ZNF316: variants seen among roughly 807,000 people sequenced by gnomAD.
ZNF316 encodes zinc finger protein 316.
ZNF316 carries 23 observed loss-of-function variants against 75.6 expected under a neutral mutation model. The ratio of observed to expected loss-of-function variants is 0.30; its 90% CI spans 0.22 to 0.43. The LOEUF is 0.43. Among genes scored for constraint, ZNF316 ranks in the 20% least tolerant of loss-of-function variants. The pLI, the probability that ZNF316 is intolerant of heterozygous loss-of-function variation, is 1.00. For missense variants in ZNF316, 1,266 were observed against 1,409.4 expected, an observed-to-expected ratio of 0.90 and a Z score of 1.63; for synonymous variants, 827 against 666.2, an observed-to-expected ratio of 1.24 and a Z score of -3.72.
intron 8 of ZNF316, among the ~76,000 whole-genome samples, chr7:6,645,985 C>A (rs922667443): frequency 9.1e-5 from 11 of 120,326 alleles, no homozygotes; most frequent in African/African-American, 3.3e-4. Context: ...CAGAGTGAGA[C>A]GCCATCTCAA....
At chr7:6,647,665 C>T (rs1177953465) in intron 8 of ZNF316, among the ~76,000 whole-genome samples, 2 of 152,224 alleles carry the variant, frequency 1.3e-5, no homozygotes, top group African/African-American at 4.8e-5. Flanking sequence ...TCCGTGGACT[C>T]GCCGTGGGGC....
At position 6,654,046 on chromosome 7, in the gene ZNF316, C is replaced by T. The variant is rs1426862124; in HGVS notation, c.2450C>T (p.Ala817Val). Reference protein sequence around the residue: ...ECGRRFGQSAALTRHQWAHAE... With the variant: ...ECGRRFGQSAVLTRHQWAHAE... ...GGCCGGCGCTTCGGGCAGAGCGCGGCGCTGACGCGGCATCAGTGGGCGCAC... is the reference window on the plus strand; with the variant it reads ...GGCCGGCGCTTCGGGCAGAGCGCGGTGCTGACGCGGCATCAGTGGGCGCAC... Residue 817 changes from alanine (A) to valine (V), a missense_variant, in exon 9 of 9, where the codon GCG becomes GTG. By Grantham distance (64) the Ala-to-Val change is moderately conservative. Coordinates refer to ENST00000382252, the MANE Select transcript of ZNF316 (RefSeq NM_001278559.2). 1.7e-6 allele frequency: 2 copies of T among 1,203,034 alleles called. No homozygotes were observed. Among genetic ancestry groups the T allele is most frequent in the Non-Finnish European group, 2.1e-6 (2 of 969,626 alleles). The allele number at this position is 1,203,034 out of a possible 1,614,324, so 74.5% of individuals were successfully genotyped here. A position where few individuals can be genotyped will look rare whatever the true frequency, so the allele number is the denominator to read the frequency against.
chr7:6,655,790 G>GA lies in ZNF316; in HGVS notation c.*1179_*1180insA, dbSNP rs200050471. Reference sequence around the variant, plus strand: ...GCACAGTGGCTGTCCACCTCGGGGGGGTGTGGACCTGAGCCGTGGCTCAGT... The same window carrying GA: ...GCACAGTGGCTGTCCACCTCGGGGGGAGTGTGGACCTGAGCCGTGGCTCAGT... On this transcript the variant is annotated 3_prime_UTR_variant, in exon 9 of 9. Coordinates refer to ENST00000382252, the MANE Select transcript of ZNF316 (RefSeq NM_001278559.2). 1 of 152,136 alleles carries GA rather than the reference G, an allele frequency of 6.6e-6. No individual in the cohort carries two copies. The highest frequency in any genetic ancestry group is 2.4e-5 in the African/African-American group (1 of 41,396). 9.4% of individuals were successfully genotyped at this position (152,136 alleles called of 1,614,324 possible).
rs558246420 is a variant in ZNF316, at chr7:6,653,297, C to G, written c.1701C>G (p.Ser567Arg). 2 of 1,227,466 alleles carry G rather than the reference C, an allele frequency of 1.6e-6. No homozygotes were observed. Among genetic ancestry groups the G allele is most frequent in the Non-Finnish European group, 2.0e-6 (2 of 985,808 alleles). The allele number at this position is 1,227,466 out of a possible 1,614,324, so 76.0% of individuals were successfully genotyped here. A position where few individuals can be genotyped will look rare whatever the true frequency, so the allele number is the denominator to read the frequency against. Reference protein sequence around the residue: ...EEAAVAAPTPSGKVDPAPERR... With the variant: ...EEAAVAAPTPRGKVDPAPERR... Reference sequence around the variant, plus strand: ...CGGCGGTGGCGGCGCCCACCCCCAGCGGCAAGGTGGACCCCGCGCCGGAAC... The same window carrying G: ...CGGCGGTGGCGGCGCCCACCCCCAGGGGCAAGGTGGACCCCGCGCCGGAAC... The change falls in exon 9 of 9, where the codon AGC becomes AGG. Residue 567 changes from serine to arginine, a missense_variant. By Grantham distance (110) the Ser-to-Arg change is moderately radical (BLOSUM62 -1). This residue lies in a region of ZNF316 where 961 missense variants were observed against 990.9 expected (regional missense o/e 0.97). Transcript: ENST00000382252.
Position 6,652,582 on chromosome 7 carries a change from C to G in ZNF316, c.986C>G (p.Pro329Arg), listed in dbSNP as rs1460011776. ...GREPGANLLS[P>R]WAFPAAVAPP... ...GAGCCGGGTGCGAACCTGCTGTCGC[C>G]CTGGGCGTTCCCCGCCGCAGTGGCC... The change falls in exon 9 of 9, where the codon CCC (proline) becomes CGC (arginine). Residue 329 changes from proline (P) to arginine (R), a missense_variant. Pro to Arg is a moderately radical substitution (Grantham distance 103). Around this residue, in one of 3 missense-constraint regions of ZNF316, gnomAD observed 961 missense variants for 990.9 expected, o/e 0.97. Transcript: ENST00000382252. 8 of 1,230,766 alleles carry G rather than the reference C, an allele frequency of 6.5e-6. No homozygotes were observed. The highest frequency in any genetic ancestry group is 6.2e-5 in the African/African-American group (4 of 64,496). 76.2% of individuals were successfully genotyped at this position (1,230,766 alleles called of 1,614,324 possible).
chr7:6,642,358 C>G lies in ZNF316; in HGVS notation c.-28-24C>G, dbSNP rs546689434. ...GTGTGGTGTGCTGAGAGCAGCCCGTCACTGGCGTCCATCTGCATTTCAGGC... is the reference window on the plus strand; with the variant it reads ...GTGTGGTGTGCTGAGAGCAGCCCGTGACTGGCGTCCATCTGCATTTCAGGC... On this transcript the variant is annotated intron_variant, in intron 4 of 8. Coordinates refer to ENST00000382252, the MANE Select transcript of ZNF316 (RefSeq NM_001278559.2). This position sits in a 1 kb window ranked among gnomAD's most constrained non-coding sequence, Gnocchi z 8.1. The G allele has an allele frequency of 8.6e-7, 1 of 1,161,144 alleles. No individual in the cohort carries two copies. The highest frequency in any genetic ancestry group is 1.1e-6 in the Non-Finnish European group (1 of 923,514). 71.9% of individuals were successfully genotyped at this position (1,161,144 alleles called of 1,614,324 possible). A position where few individuals can be genotyped will look rare whatever the true frequency, so the allele number is the denominator to read the frequency against.
chr7:6,638,925 C>G (rs1779266357), intron 2 of ZNF316, 117 bp from the exon 3 acceptor site: 1 of 152,404 alleles, frequency 6.6e-6, no homozygotes, highest in African/African-American at 2.4e-5. Flanking sequence ...AGAGATAACC[C>G]AGGGGGAGTT....
At chr7:6,648,728 G>C (rs1417828757) in intron 8 of ZNF316, among the ~76,000 whole-genome samples, 1 of 152,204 alleles carries the variant, frequency 6.6e-6, no homozygotes, top group Non-Finnish European at 1.5e-5. Context: ...GTGAAGCCAA[G>C]GGAGAGAAGG....
intron 8 of ZNF316, among the ~76,000 whole-genome samples, chr7:6,650,585 C>A (rs936070103): frequency 6.6e-6 from 1 of 152,126 alleles, no homozygotes. Context: ...GGCCAGCGTG[C>A]GACATGAGGG....
chr7:6,645,324 G>A (rs1399026644), intron 8 of ZNF316, among the ~76,000 whole-genome samples: 1 of 152,218 alleles, frequency 6.6e-6, no homozygotes, highest in Non-Finnish European at 1.5e-5. Context: ...GTCTGGTTTG[G>A]GGCTAGGTGA....
chr7:6,643,321 G>A (rs562463024), intron 6 of ZNF316, among the ~76,000 whole-genome samples: 1 of 152,316 alleles, frequency 6.6e-6, no homozygotes, highest in African/African-American at 2.4e-5. Context: ...CCACTCAACC[G>A]CACTGTGCAC....
intron 2 of ZNF316, among the ~76,000 whole-genome samples, chr7:6,638,322 G>A (rs945726614): frequency 2.6e-5 from 4 of 152,188 alleles, no homozygotes; most frequent in Admixed American, 1.3e-4. Flanking sequence ...AGAATCCGAG[G>A]ACAGACAGTG....
rs1260827357 is a variant in ZNF316, at chr7:6,652,408, C to T, written c.812C>T (p.Ser271Leu). 2.4e-6 allele frequency: 3 copies of T among 1,232,262 alleles called. No individual in the cohort carries two copies. The highest frequency in any genetic ancestry group is 1.5e-5 in the African/African-American group (1 of 64,542). The allele number at this position is 1,232,262 out of a possible 1,614,324, so 76.3% of individuals were successfully genotyped here. A position where few individuals can be genotyped will look rare whatever the true frequency, so the allele number is the denominator to read the frequency against. The change falls in exon 9 of 9, where the codon TCG (serine) becomes TTG (leucine). Residue 271 changes from serine (S) to leucine (L), a missense_variant. Physicochemically the swap from Ser to Leu is moderately radical, Grantham distance 145. Coordinates refer to ENST00000382252, the MANE Select transcript of ZNF316 (RefSeq NM_001278559.2). ...EEENEPPGLW[S>L]AAYGVGDVPG... Reference sequence around the variant, plus strand: ...GAGAACGAGCCCCCAGGGCTCTGGTCGGCGGCCTACGGCGTGGGGGACGTG... The same window carrying T: ...GAGAACGAGCCCCCAGGGCTCTGGTTGGCGGCCTACGGCGTGGGGGACGTG...
Position 6,642,407 on chromosome 7 carries a change from AG to A in ZNF316, c.-1del. The A allele has an allele frequency of 8.1e-7, 1 of 1,232,108 alleles. No homozygotes were observed. The highest frequency in any genetic ancestry group is 1.0e-6 in the Non-Finnish European group (1 of 988,062). The allele number at this position is 1,232,108 out of a possible 1,614,324, so 76.3% of individuals were successfully genotyped here. A position where few individuals can be genotyped will look rare whatever the true frequency, so the allele number is the denominator to read the frequency against. Reference sequence around the variant, plus strand: ...GCCACGTGGAGGCTCGCTCCCAGGGAGGATGGCGGCGCTCCACACGACTCCC... The same window carrying A: ...GCCACGTGGAGGCTCGCTCCCAGGGAGATGGCGGCGCTCCACACGACTCCC... On this transcript the variant is annotated 5_prime_UTR_variant, in exon 5 of 9. Transcript: ENST00000382252. The surrounding 1 kb of genome is among the most constrained non-coding windows in gnomAD (Gnocchi z 8.1).
chr7:6,644,925 C>G (rs961649679), intron 8 of ZNF316, among the ~76,000 whole-genome samples: 1 of 152,224 alleles, frequency 6.6e-6, no homozygotes, highest in African/African-American at 2.4e-5. Context: ...TCGCGGAGGC[C>G]TTTCTGATGG....
rs149442477 is a variant in ZNF316, at chr7:6,640,455, G to A, written c.-167+1314G>A. ...AGCAAGAGAGAGTGAGTGGGGAGGC[G>A]CCACACACTTTTAAAGACGACCAGA... On this transcript the variant is annotated intron_variant, in intron 3 of 8. Transcript: ENST00000382252. This position sits in a 1 kb window ranked among gnomAD's most constrained non-coding sequence, Gnocchi z 5.1. Among the ~76,000 whole-genome samples, 3,488 of 152,184 alleles carry A rather than the reference G, an allele frequency of 0.023. 51 individuals carry two copies. Among genetic ancestry groups the A allele is most frequent in the Non-Finnish European group, 0.034 (2,344 of 67,992 alleles).
Position 6,652,500 on chromosome 7 carries a change from G to C in ZNF316, c.904G>C (p.Gly302Arg). ...QTPEGWGPDPGGLGVLADGSE... is the reference protein window; with the variant it reads ...QTPEGWGPDPRGLGVLADGSE... ...TCCAGAGGGGTGGGGACCCGACCCA[G>C]GCGGCCTGGGGGTCCTGGCCGACGG... Residue 302 changes from glycine (G) to arginine (R), a missense_variant, in exon 9 of 9, where the codon GGC (glycine) becomes CGC (arginine). Coordinates refer to ENST00000382252, the MANE Select transcript of ZNF316 (RefSeq NM_001278559.2). 8.1e-7 allele frequency: 1 copy of C among 1,231,432 alleles called. No homozygotes were observed. The highest frequency in any genetic ancestry group is 1.0e-6 in the Non-Finnish European group (1 of 987,622). 76.3% of individuals were successfully genotyped at this position (1,231,432 alleles called of 1,614,324 possible).
chr7:6,652,945 C>G lies in ZNF316; in HGVS notation c.1349C>G (p.Thr450Arg). The G allele has an allele frequency of 8.0e-7, 1 of 1,243,720 alleles. No homozygotes were observed. The highest frequency in any genetic ancestry group is 1.0e-6 in the Non-Finnish European group (1 of 993,430). 77.0% of individuals were successfully genotyped at this position (1,243,720 alleles called of 1,614,324 possible). ...TCCTACCTGGTCACGCACCAGCGCA[C>G]GCACACCGGCGAGCGACCCTACCCG... ...RRSYLVTHQR[T>R]HTGERPYPCS... Residue 450 changes from threonine to arginine, a missense_variant, in exon 9 of 9, where the codon ACG becomes AGG. Thr to Arg is a moderately conservative substitution (Grantham distance 71, BLOSUM62 -1). Transcript: ENST00000382252.
intron 8 of ZNF316, among the ~76,000 whole-genome samples, chr7:6,646,212 G>A: frequency 6.6e-6 from 1 of 152,102 alleles, no homozygotes; most frequent in East Asian, 1.9e-4. Flanking sequence ...ATTGTAGGAG[G>A]CCCTTCGTGC....
Sources: allele counts gnomAD v4.1 joint callset (sites outside exome capture counted in the v4.1 genomes callset), GRCh38; gene constraint gnomAD v4.1.1; regional missense constraint gnomAD v4.1.1; non-coding constraint Gnocchi (gnomAD v3.1); transcripts MANE v1.5; gene names NCBI Gene and HGNC (gene_info 2026-07-23, HGNC 2026-07-21).